The following ZFAT variants were observed in gnomAD, a reference collection of about 807,000 sequenced individuals.
ZFAT encodes the protein zinc finger protein ZFAT.
A neutral mutation model predicts 117.7 loss-of-function variants in ZFAT; 64 were observed. That is an observed-to-expected ratio of 0.54 (90% CI 0.44 to 0.67). The LOEUF (loss-of-function observed/expected upper bound fraction) is 0.67, where lower values mean the gene tolerates loss of function less well. Ranked by LOEUF, ZFAT falls within the 30% of genes least tolerant of loss-of-function variation. The pLI, the probability that ZFAT is intolerant of heterozygous loss-of-function variation, is 0.00. For missense variants in ZFAT, 1,433 were observed against 1,584.5 expected, an observed-to-expected ratio of 0.90 and a Z score of 1.62; for synonymous variants, 679 against 615.0, an observed-to-expected ratio of 1.10 and a Z score of -1.54.
rs377296564 is a variant in ZFAT at position 134,702,862 on chromosome 8, G to A, written c.19+9983C>T. Among the ~76,000 whole-genome samples, 496 of 152,052 alleles carry A rather than the reference G, an allele frequency of 3.3e-3. 2 individuals are homozygous for A. The highest frequency in any genetic ancestry group is 3.3e-3 in the South Asian group (16 of 4,806). On this transcript the variant is annotated intron_variant, in intron 1 of 15. Transcript: ENST00000377838. ...AATTTCTTGTATTTTTAGTAGAGAC[G>A]GGGTTTCACCATGTTAGCCAGGATG...
chr8:134,605,853 C>T (rs559546150), intron 5 of ZFAT, among the ~76,000 whole-genome samples: 72 of 152,176 alleles, frequency 4.7e-4, no homozygotes, highest in Non-Finnish European at 9.6e-4. Flanking sequence ...CTGGAGCTCA[C>T]CTTCCAGAAA....
chr8:134,733,125 C>T, the ZFAT span, among the ~76,000 whole-genome samples: 1 of 152,048 alleles, frequency 6.6e-6, no homozygotes, highest in Admixed American at 6.5e-5. Context: ...TAAAACTGCT[C>T]CAAAAAATCA....
At chr8:134,803,893 T>A in the ZFAT span, among the ~76,000 whole-genome samples, 1 of 152,326 alleles carries the variant, frequency 6.6e-6, no homozygotes, top group South Asian at 2.1e-4. Flanking sequence ...AAGACCTTTA[T>A]CTTTTGGTGG....
At chr8:134,628,648 A>G (rs1488139702) in intron 3 of ZFAT, among the ~76,000 whole-genome samples, 1 of 152,254 alleles carries the variant, frequency 6.6e-6, no homozygotes, top group African/African-American at 2.4e-5. Context: ...TTACCATTAT[A>G]ATACCATGTG....
intron 11 of ZFAT, among the ~76,000 whole-genome samples, chr8:134,539,755 G>A (rs1027860068): frequency 9.2e-5 from 14 of 152,234 alleles, no homozygotes; most frequent in African/African-American, 3.4e-4. Context: ...TTTAGAATGC[G>A]GACAACTTTA....
intron 11 of ZFAT, among the ~76,000 whole-genome samples, chr8:134,545,243 T>C (rs1454221645): frequency 2.0e-5 from 3 of 152,188 alleles, no homozygotes; most frequent in Non-Finnish European, 4.4e-5. Flanking sequence ...CCAGGTGCAG[T>C]GGCTCACACC....
intron 10 of ZFAT, among the ~76,000 whole-genome samples, chr8:134,575,904 TAC>T (rs1825263369): frequency 6.6e-6 from 1 of 152,196 alleles, no homozygotes; most frequent in South Asian, 2.1e-4. Flanking sequence ...GCAATAAAAA[TAC>T]AGTTAAAGAA....
chr8:134,638,196 C>T (rs1381539012), intron 2 of ZFAT, among the ~76,000 whole-genome samples: 5 of 151,842 alleles, frequency 3.3e-5, no homozygotes, highest in African/African-American at 1.2e-4. Context: ...ATTGTCCTGG[C>T]AAGAAAAAGA....
the ZFAT span, among the ~76,000 whole-genome samples, chr8:134,759,970 C>CA: frequency 0.022 from 1,167 of 52,978 alleles, 89 homozygotes; most frequent in African/African-American, 0.07. Context: ...GACTCCGTCT[C>CA]AAAAAAAAAA....
chr8:134,768,591 A>G, the ZFAT span, among the ~76,000 whole-genome samples: 1 of 152,222 alleles, frequency 6.6e-6, no homozygotes, highest in Non-Finnish European at 1.5e-5. Flanking sequence ...AGGGAAAGAG[A>G]GAGCTTGTGC....
chr8:134,655,082 G>T (rs1235428356), intron 2 of ZFAT, among the ~76,000 whole-genome samples: 1 of 152,200 alleles, frequency 6.6e-6, no homozygotes, highest in Admixed American at 6.5e-5. Flanking sequence ...GGTGGCCTTT[G>T]CATTCAGTTG....
intron 3 of ZFAT, among the ~76,000 whole-genome samples, chr8:134,622,212 C>A (rs986803328): frequency 2.0e-5 from 3 of 152,226 alleles, no homozygotes; most frequent in African/African-American, 7.2e-5. Context: ...GACAGAGCCC[C>A]TTTCTCCCCC....
the ZFAT span, among the ~76,000 whole-genome samples, chr8:134,828,783 A>C: frequency 6.6e-6 from 1 of 152,238 alleles, no homozygotes. Flanking sequence ...CATTAACACA[A>C]AGGGAAAAAA....
chr8:134,517,196 T>C (rs1330332107), intron 13 of ZFAT, among the ~76,000 whole-genome samples: 2 of 152,204 alleles, frequency 1.3e-5, no homozygotes, highest in Non-Finnish European at 2.9e-5. Flanking sequence ...ACCAATTTGA[T>C]ATACAGTTAG....
At chr8:134,521,091 TAGTA>T (rs1820621693) in intron 12 of ZFAT, 90 bp from the exon 13 acceptor site, 9 of 901,674 alleles carry the variant, frequency 1.0e-5, no homozygotes, top group African/African-American at 1.7e-5. Flanking sequence ...GCTTCAAATC[TAGTA>T]AGTATTATTT....
At chr8:134,527,929 A>C (rs1821138845) in intron 12 of ZFAT, among the ~76,000 whole-genome samples, 1 of 152,220 alleles carries the variant, frequency 6.6e-6, no homozygotes, top group Non-Finnish European at 1.5e-5. Flanking sequence ...CTTGCAAAGA[A>C]ATAGGTTTCA....
At chr8:134,689,326 G>A (rs867226258) in intron 1 of ZFAT, among the ~76,000 whole-genome samples, 4 of 152,196 alleles carry the variant, frequency 2.6e-5, no homozygotes, top group East Asian at 1.9e-4. Context: ...CTCTGCCTAC[G>A]GGGTAGCCCT....
At chr8:134,509,780 T>G (rs956882810) in intron 14 of ZFAT, 31 bp from the exon 15 acceptor site, 1 of 1,568,854 alleles carries the variant, frequency 6.4e-7, no homozygotes, top group Non-Finnish European at 8.6e-7. Flanking sequence ...AGGACACCAT[T>G]CAGGCCACTG....
chr8:134,606,453 G>A (rs12682405), intron 5 of ZFAT, among the ~76,000 whole-genome samples: 14,681 of 152,212 alleles, frequency 0.096, 1,016 homozygotes, highest in East Asian at 0.36. Flanking sequence ...AGTGGCTCAC[G>A]CCTGTAATTC....
Sources: gnomAD v4.1 joint callset for allele counts (sites outside exome capture counted in the v4.1 genomes callset) on GRCh38, gnomAD v4.1.1 for gene constraint, MANE v1.5 for transcripts, NCBI Gene and HGNC (gene_info 2026-07-23, HGNC 2026-07-21) for gene names.